DPP10: variants seen among roughly 807,000 people sequenced by gnomAD.
DPP10 encodes dipeptidyl peptidase like 10, also known as inactive dipeptidyl peptidase 10.
Under a neutral mutation model 120.9 loss-of-function variants are expected in DPP10, and 33 were observed. The ratio of observed to expected loss-of-function variants is 0.27; its 90% CI spans 0.21 to 0.37. The LOEUF (loss-of-function observed/expected upper bound fraction) is 0.37. Ranked by LOEUF, DPP10 falls within the 10% of genes least tolerant of loss-of-function variation. The pLI is 1.00. For missense variants in DPP10, 816 were observed against 942.8 expected (o/e 0.87, Z 1.76); for synonymous variants, 337 against 326.1 (o/e 1.03, Z -0.36).
intron 21 of DPP10, among the ~76,000 whole-genome samples, chr2:115,832,525 AT>A (rs1451699976): frequency 2.6e-5 from 4 of 152,164 alleles, no homozygotes; most frequent in African/African-American, 9.7e-5. Flanking sequence ...GCCAGTGTCG[AT>A]TTTTGTTTAA....
chr2:115,747,661 T>G (rs757853007), intron 10 of DPP10, among the ~76,000 whole-genome samples: 1 of 147,070 alleles, frequency 6.8e-6, no homozygotes, highest in Non-Finnish European at 1.5e-5. Flanking sequence ...TGGCACAATC[T>G]CGGCTCACTA....
intron 19 of DPP10, among the ~76,000 whole-genome samples, chr2:115,801,264 G>T (rs62156331): frequency 0.08 from 12,227 of 152,224 alleles, 653 homozygotes; most frequent in Non-Finnish European, 0.12. Flanking sequence ...AGGAAGGCTT[G>T]TGATTTTTGT....
intron 1 of DPP10, among the ~76,000 whole-genome samples, chr2:114,493,785 C>T (rs976369116): frequency 6.6e-6 from 1 of 151,926 alleles, no homozygotes; most frequent in Non-Finnish European, 1.5e-5. Context: ...GATTGTTCTG[C>T]AAGAGAAAAG....
intron 1 of DPP10, among the ~76,000 whole-genome samples, chr2:115,151,304 T>C (rs2051533970): frequency 6.6e-6 from 1 of 152,202 alleles, no homozygotes; most frequent in Non-Finnish European, 1.5e-5. Flanking sequence ...TTTTCCTCTT[T>C]CTTAATTTTA....
At chr2:115,259,201 G>A (rs2105735722) in intron 1 of DPP10, among the ~76,000 whole-genome samples, 1 of 152,240 alleles carries the variant, frequency 6.6e-6, no homozygotes, top group Non-Finnish European at 1.5e-5. Context: ...CAAAAGGCCG[G>A]GTGGGTGGGG....
intron 1 of DPP10, among the ~76,000 whole-genome samples, chr2:115,254,710 CA>C (rs1266268695): frequency 6.6e-6 from 1 of 152,086 alleles, no homozygotes; most frequent in Non-Finnish European, 1.5e-5. Flanking sequence ...GGAAATTGGC[CA>C]AAACAGAGGG....
chr2:115,330,942 G>GT (rs1285558631), intron 2 of DPP10, among the ~76,000 whole-genome samples: 3 of 152,036 alleles, frequency 2.0e-5, no homozygotes. Flanking sequence ...CTTTAAGGTA[G>GT]TTTTTTCCAA....
intron 1 of DPP10, among the ~76,000 whole-genome samples, chr2:114,515,076 T>G (rs1205823155): frequency 6.6e-6 from 1 of 152,238 alleles, no homozygotes; most frequent in African/African-American, 2.4e-5. Flanking sequence ...TTTTTCTGTA[T>G]GTTCCTTAAA....
At chr2:115,606,913 G>A (rs1047377489) in intron 5 of DPP10, among the ~76,000 whole-genome samples, 2 of 152,112 alleles carry the variant, frequency 1.3e-5, no homozygotes, top group African/African-American at 2.4e-5. Context: ...AAAAGAATGC[G>A]AGCTTTCATT....
chr2:115,029,634 T>C (rs923006956), intron 1 of DPP10, among the ~76,000 whole-genome samples: 2 of 152,124 alleles, frequency 1.3e-5, no homozygotes, highest in Non-Finnish European at 2.9e-5. Context: ...GTGTTGGTTC[T>C]TATAGGATAT....
At chr2:114,525,560 T>C (rs1054170818) in intron 1 of DPP10, among the ~76,000 whole-genome samples, 8 of 152,204 alleles carry the variant, frequency 5.3e-5, no homozygotes, top group Admixed American at 5.2e-4. Context: ...ATTTTACAGA[T>C]GAGGAAACTG....
intron 20 of DPP10, among the ~76,000 whole-genome samples, 174 bp downstream of exon 20, chr2:115,815,161 C>G (rs2150037234): frequency 6.6e-6 from 1 of 152,034 alleles, no homozygotes; most frequent in African/African-American, 2.4e-5. Flanking sequence ...ACCCTTAGTG[C>G]TATAATAAAA....
At chr2:114,543,371 T>C (rs751518191) in intron 1 of DPP10, among the ~76,000 whole-genome samples, 3 of 152,178 alleles carry the variant, frequency 2.0e-5, no homozygotes, top group Non-Finnish European at 4.4e-5. Flanking sequence ...CACTCCTGCG[T>C]CCCTGAAGCA....
chr2:114,665,117 T>G (rs1697819036), intron 1 of DPP10, among the ~76,000 whole-genome samples: 1 of 152,170 alleles, frequency 6.6e-6, no homozygotes, highest in Admixed American at 6.5e-5. Flanking sequence ...GTACCTTATA[T>G]TACAACATAG....
In DPP10 at chr2:114,665,268, A is replaced by G. The variant is rs1446018015; in HGVS notation, c.60+222430A>G. ...GTTAAAGAAGTGAGATAGTACAATC[A>G]GTCCACCATTCTTGAGCTACCTGCC... On this transcript the variant is annotated intron_variant, in intron 1 of 25. Coordinates refer to ENST00000410059, the MANE Select transcript of DPP10 (RefSeq NM_020868.6). Among the ~76,000 whole-genome samples the G allele has an allele frequency of 3.9e-5, 6 of 152,338 alleles. No individual in the cohort carries two copies. In the East Asian group the frequency reaches 9.6e-4, roughly 24 times the overall value.
In DPP10 at chr2:114,893,100, C is replaced by A. The variant is rs2106633848; in HGVS notation, c.61-416139C>A. On this transcript the variant is annotated intron_variant, in intron 1 of 25. Transcript: ENST00000410059. ...CTCTCAAATGTTTTATATTCTAAAT[C>A]CTTCCATAAATGTCTCAAGACTCCA... 2.0e-5 allele frequency among the ~76,000 whole-genome samples: 3 copies of A among 152,236 alleles called. No homozygotes were observed. The South Asian group carries it at 6.2e-4, about 32-fold the overall frequency.
intron 1 of DPP10, among the ~76,000 whole-genome samples, chr2:115,099,760 T>C (rs1292996807): frequency 1.3e-5 from 2 of 152,216 alleles, no homozygotes; most frequent in Non-Finnish European, 2.9e-5. Context: ...CAGTGTGTTA[T>C]TTCCAAGATG....
intron 1 of DPP10, among the ~76,000 whole-genome samples, chr2:115,287,741 C>T (rs1017725453): frequency 9.9e-5 from 15 of 152,080 alleles, no homozygotes; most frequent in Non-Finnish European, 2.2e-4. Context: ...TCAAAGAACT[C>T]AATCCCTTTT....
intron 3 of DPP10, among the ~76,000 whole-genome samples, chr2:115,369,909 C>A (rs1047615204): frequency 6.6e-6 from 1 of 152,000 alleles, no homozygotes; most frequent in African/African-American, 2.4e-5. Context: ...CCTTGTAAAT[C>A]CATCTCTAAT....
Sources: gnomAD v4.1 joint callset for allele counts (sites outside exome capture counted in the v4.1 genomes callset) on GRCh38, gnomAD v4.1.1 for gene constraint, MANE v1.5 for transcripts, NCBI Gene and HGNC (gene_info 2026-07-23, HGNC 2026-07-21) for gene names.